Variants in BRD4 observed in about 807,000 individuals in gnomAD.
BRD4 encodes bromodomain containing 4.
In BRD4, 16 loss-of-function variants were observed where a neutral mutation model predicts 142.1. The ratio of observed to expected loss-of-function variants is 0.11; its 90% CI spans 0.08 to 0.17. BRD4 has a LOEUF of 0.17. BRD4 is among the 10% of genes least tolerant of loss of function. BRD4 has a pLI of 1.00. For synonymous variants in BRD4, 833 were observed against 707.5 expected, an observed-to-expected ratio of 1.18 and a Z score of -2.82; for missense variants, 1,424 against 1,810.9, an observed-to-expected ratio of 0.79 and a Z score of 3.88.
rs1438006328 is a variant in BRD4 at position 15,244,212 on chromosome 19, G to T, written c.2581+19C>A. On this transcript the variant is annotated intron_variant, in intron 13 of 19. Transcript: ENST00000679869. ...GCAGGAAGGGGTCTCAACCCACACT[G>T]GGGCAGGCCACGGCTCACCTGGAGG... 1 of 1,545,982 alleles carries T rather than the reference G, an allele frequency of 6.5e-7. No homozygotes were observed. Among genetic ancestry groups the T allele is most frequent in the South Asian group, 1.2e-5 (1 of 84,232 alleles).
intron 1 of BRD4, among the ~76,000 whole-genome samples, chr19:15,303,242 T>C (rs2047886589): frequency 6.6e-6 from 1 of 152,146 alleles, no homozygotes; most frequent in Non-Finnish European, 1.5e-5. Context: ...TCAAGAGTGT[T>C]TATGTACAGA....
chr19:15,288,088 G>A (rs2047753736), intron 1 of BRD4, among the ~76,000 whole-genome samples: 2 of 152,196 alleles, frequency 1.3e-5, no homozygotes, highest in South Asian at 2.1e-4. Flanking sequence ...TCCTTCTTAA[G>A]GCTGATTAAT....
At chr19:15,270,995 T>G (rs2047581464) in intron 2 of BRD4, among the ~76,000 whole-genome samples, 1 of 152,126 alleles carries the variant, frequency 6.6e-6, no homozygotes, top group African/African-American at 2.4e-5. Context: ...AGATTCACAC[T>G]CTGCCTGGAC....
intron 1 of BRD4, among the ~76,000 whole-genome samples, chr19:15,300,744 G>A (rs1181272017): frequency 2.6e-5 from 4 of 152,006 alleles, no homozygotes; most frequent in Non-Finnish European, 5.9e-5. Context: ...AAGACTATGT[G>A]AATCCACTGC....
intron 1 of BRD4, among the ~76,000 whole-genome samples, chr19:15,312,110 A>G (rs982162523): frequency 1.3e-5 from 2 of 152,234 alleles, no homozygotes; most frequent in African/African-American, 2.4e-5. Flanking sequence ...ACATTCCTCA[A>G]TACTAACATG....
intron 1 of BRD4, among the ~76,000 whole-genome samples, chr19:15,316,702 T>C (rs745796676): frequency 1.3e-5 from 2 of 152,360 alleles, no homozygotes; most frequent in African/African-American, 4.8e-5. Context: ...CTTGTGAATG[T>C]CTTCATGAGA....
chr19:15,325,536 ATT>A (rs1399154817), intron 1 of BRD4, among the ~76,000 whole-genome samples: 1 of 152,108 alleles, frequency 6.6e-6, no homozygotes, highest in Non-Finnish European at 1.5e-5. Context: ...AAAAAGACAC[ATT>A]TTGTTTTCAT....
chr19:15,238,318 A>C lies in BRD4; in HGVS notation c.*59T>G. 6.2e-7 allele frequency: 1 copy of C among 1,610,234 alleles called. No individual in the cohort carries two copies. The highest frequency in any genetic ancestry group is 1.3e-5 in the African/African-American group (1 of 74,988). On this transcript the variant is annotated 3_prime_UTR_variant, in exon 20 of 20. Coordinates refer to ENST00000679869, the MANE Select transcript of BRD4 (RefSeq NM_001379291.1). This position sits in a 1 kb window ranked among gnomAD's most constrained non-coding sequence, Gnocchi z 7.2. ...GATCCCACCTCCACCACCGCCCCTA[A>C]CACTATGGAAAGTCAATGTTTTGCC...
intron 1 of BRD4, among the ~76,000 whole-genome samples, chr19:15,283,212 G>A (rs1599486464): frequency 6.6e-6 from 1 of 152,204 alleles, no homozygotes; most frequent in Non-Finnish European, 1.5e-5. Flanking sequence ...GAGTGGGAGA[G>A]GAAGTTCACT....
intron 1 of BRD4, among the ~76,000 whole-genome samples, chr19:15,281,776 G>C (rs2047706311): frequency 6.6e-6 from 1 of 152,158 alleles, no homozygotes; most frequent in Admixed American, 6.5e-5. Flanking sequence ...TCAACACTTT[G>C]GGAGGCCGAG....
At chr19:15,302,267 C>G (rs957606553) in intron 1 of BRD4, among the ~76,000 whole-genome samples, 1 of 152,162 alleles carries the variant, frequency 6.6e-6, no homozygotes, top group Non-Finnish European at 1.5e-5. Flanking sequence ...GTACAGAGAC[C>G]CCCCAGGACT....
intron 9 of BRD4, 101 bp downstream of exon 9, chr19:15,255,963 T>C (rs1599451442): frequency 6.7e-7 from 1 of 1,491,324 alleles, no homozygotes. Context: ...AGGGGCAGCC[T>C]CCGCACCCAA....
rs200757175 is a variant in BRD4, at chr19:15,244,467, G to C, written c.2345C>G (p.Pro782Arg). The part of the protein sequence containing the change: ...QQQQPPPPPP[P>R]PSMPQQAAPA... ...GGCTGCCTGCTGCGGCATGGAGGGT[G>C]GGGGAGGCGGGGGTGGCGGCTGCTG... is the stretch of plus-strand genomic sequence containing the variant. The change falls in exon 13 of 20, where the codon CCA (proline) becomes CGA (arginine). Residue 782 changes from proline to arginine, a missense_variant. By Grantham distance (103) the Pro-to-Arg change is moderately radical (BLOSUM62 -2). This residue lies in a region of BRD4 where 598 missense variants were observed against 647.8 expected (regional missense o/e 0.92). Transcript: ENST00000679869. 9 of 1,545,618 alleles carry C rather than the reference G, an allele frequency of 5.8e-6. No homozygotes were observed. Among genetic ancestry groups the C allele is most frequent in the South Asian group, 1.2e-5 (1 of 85,166 alleles).
At chr19:15,252,934 G>C (rs2047363185) in intron 11 of BRD4, 1 of 183,062 alleles carries the variant, frequency 5.5e-6, no homozygotes, top group African/African-American at 2.4e-5. Flanking sequence ...GCTCTCCCCA[G>C]CTGCCGTGAA....
intron 1 of BRD4, among the ~76,000 whole-genome samples, chr19:15,290,837 T>C (rs532865545): frequency 6.6e-6 from 1 of 152,270 alleles, no homozygotes; most frequent in African/African-American, 2.4e-5. Context: ...GGTTTTGCTA[T>C]CTCTAGGGGA....
At chr19:15,315,937 C>T (rs1175254719) in intron 1 of BRD4, among the ~76,000 whole-genome samples, 8 of 151,342 alleles carry the variant, frequency 5.3e-5, no homozygotes, top group African/African-American at 1.9e-4. Context: ...GGGCGGATCA[C>T]GAGGTCAGGA....
At chr19:15,310,442 G>A (rs1286731300) in intron 1 of BRD4, among the ~76,000 whole-genome samples, 2 of 132,114 alleles carry the variant, frequency 1.5e-5, no homozygotes, top group African/African-American at 2.8e-5. Context: ...CTCACTGCAA[G>A]CTCCGCCTCC....
chr19:15,309,424 A>G (rs2047947197), intron 1 of BRD4, among the ~76,000 whole-genome samples: 1 of 152,142 alleles, frequency 6.6e-6, no homozygotes, highest in Admixed American at 6.5e-5. Context: ...ACAAACAACA[A>G]TTGTCGGCAA....
At chr19:15,330,403 C>A (rs2048146873) in intron 1 of BRD4, among the ~76,000 whole-genome samples, 1 of 152,152 alleles carries the variant, frequency 6.6e-6, no homozygotes, top group African/African-American at 2.4e-5. Context: ...ATCTACAACG[C>A]ATCAGTGATA....
Sources: gnomAD v4.1 joint callset for allele counts (sites outside exome capture counted in the v4.1 genomes callset) on GRCh38, gnomAD v4.1.1 for gene constraint, gnomAD v4.1.1 regional missense constraint, Gnocchi (gnomAD v3.1) non-coding constraint, MANE v1.5 for transcripts, NCBI Gene and HGNC (gene_info 2026-07-23, HGNC 2026-07-21) for gene names.